ARHGAP24: variants seen among roughly 807,000 people sequenced by gnomAD.
The protein encoded by ARHGAP24 is Rho GTPase activating protein 24, also known as rho GTPase-activating protein 24.
A neutral mutation model predicts 76.4 loss-of-function variants in ARHGAP24; 50 were observed. That is an observed-to-expected ratio of 0.65 (90% CI 0.52 to 0.83). The LOEUF is 0.83. Ranked by LOEUF, ARHGAP24 falls within the 40% of genes least tolerant of loss-of-function variation. The pLI, the probability that ARHGAP24 is intolerant of heterozygous loss-of-function variation, is 0.00. For missense variants in ARHGAP24, 930 were observed against 914.2 expected (o/e 1.02, Z -0.22); for synonymous variants, 345 against 323.3 (o/e 1.07, Z -0.72).
chr4:85,823,036 C>CA (rs1054911720), intron 3 of ARHGAP24, among the ~76,000 whole-genome samples: 13 of 152,018 alleles, frequency 8.6e-5, no homozygotes, highest in African/African-American at 2.7e-4. Flanking sequence ...TTAACTTTGT[C>CA]AAAAAAACTT....
chr4:85,686,408 A>G (rs1008873186), intron 2 of ARHGAP24, among the ~76,000 whole-genome samples: 1 of 152,208 alleles, frequency 6.6e-6, no homozygotes, highest in African/African-American at 2.4e-5. Context: ...GTATTACAAA[A>G]CCGTCTCAAG....
rs75558237 is a variant in ARHGAP24 at position 85,521,226 on chromosome 4, A to T, written c.-21+45667A>T. On this transcript the variant is annotated intron_variant, in intron 1 of 9. Coordinates refer to ENST00000395184, the MANE Select transcript of ARHGAP24 (RefSeq NM_001025616.3). ...GCATGTTGTTTCACTGATAAGCAGCAATGCTATTATTCCATTTTCTGGGCG... is the reference window on the plus strand; with the variant it reads ...GCATGTTGTTTCACTGATAAGCAGCTATGCTATTATTCCATTTTCTGGGCG... Among the ~76,000 whole-genome samples, 11 of 152,204 alleles carry T rather than the reference A, an allele frequency of 7.2e-5. No individual in the cohort carries two copies. In the East Asian group the frequency reaches 2.1e-3, roughly 29 times the overall value.
At chr4:85,871,128 A>C (rs546211534) in intron 3 of ARHGAP24, among the ~76,000 whole-genome samples, 1 of 152,112 alleles carries the variant, frequency 6.6e-6, no homozygotes, top group East Asian at 1.9e-4. Flanking sequence ...GTATAATTCT[A>C]TTATACAGTC....
At chr4:85,796,829 C>T (rs527347026) in intron 3 of ARHGAP24, among the ~76,000 whole-genome samples, 7 of 152,030 alleles carry the variant, frequency 4.6e-5, no homozygotes, top group African/African-American at 1.7e-4. Context: ...GGTGCTGTGC[C>T]CATAGAATTT....
chr4:85,813,340 G>T (rs1420484379), intron 3 of ARHGAP24, among the ~76,000 whole-genome samples: 2 of 152,144 alleles, frequency 1.3e-5, no homozygotes, highest in Non-Finnish European at 2.9e-5. Context: ...ATAATGGGGG[G>T]TGGAGGGAAA....
chr4:85,923,808 A>G, intron 4 of ARHGAP24, 38 bp downstream of exon 4: 1 of 1,613,458 alleles, frequency 6.2e-7, no homozygotes, highest in South Asian at 1.1e-5. Flanking sequence ...ACAGAAAGGT[A>G]GACCAAACCT....
At chr4:85,793,037 G>C (rs1486295870) in intron 3 of ARHGAP24, among the ~76,000 whole-genome samples, 2 of 152,126 alleles carry the variant, frequency 1.3e-5, no homozygotes, top group Non-Finnish European at 2.9e-5. Context: ...AGATATAAGA[G>C]AAGCAAAGTT....
At chr4:85,953,265 C>CT (rs1737721153) in intron 5 of ARHGAP24, among the ~76,000 whole-genome samples, 1 of 152,288 alleles carries the variant, frequency 6.6e-6, no homozygotes, top group Non-Finnish European at 1.5e-5. Context: ...TCACACTTCC[C>CT]TTGTTCCTCT....
At chr4:85,949,269 G>C (rs1737465170) in intron 5 of ARHGAP24, among the ~76,000 whole-genome samples, 1 of 152,094 alleles carries the variant, frequency 6.6e-6, no homozygotes, top group African/African-American at 2.4e-5. Flanking sequence ...TTTTGTTGCA[G>C]CAACACCCAA....
intron 3 of ARHGAP24, among the ~76,000 whole-genome samples, chr4:85,845,415 A>G (rs1349190008): frequency 6.6e-6 from 1 of 152,202 alleles, no homozygotes; most frequent in African/African-American, 2.4e-5. Flanking sequence ...AAAGTTACAT[A>G]GCTAGTAAGT....
At chr4:85,730,333 T>G (rs527871135) in intron 3 of ARHGAP24, among the ~76,000 whole-genome samples, 1 of 152,332 alleles carries the variant, frequency 6.6e-6, no homozygotes, top group Non-Finnish European at 1.5e-5. Context: ...ATTCTGAGAT[T>G]GAAGCAACTC....
chr4:85,775,753 C>T (rs944901136), intron 3 of ARHGAP24, among the ~76,000 whole-genome samples: 2 of 151,978 alleles, frequency 1.3e-5, no homozygotes, highest in African/African-American at 4.8e-5. Context: ...TGGATTTATA[C>T]TGAGGGCAAT....
intron 2 of ARHGAP24, among the ~76,000 whole-genome samples, chr4:85,633,161 CTA>C (rs1721212091): frequency 6.6e-6 from 1 of 151,768 alleles, no homozygotes; most frequent in Non-Finnish European, 1.5e-5. Context: ...ATCTGAATGG[CTA>C]TGTTTTCCTT....
chr4:85,582,213 T>C (rs796498108), intron 2 of ARHGAP24, among the ~76,000 whole-genome samples: 3 of 152,248 alleles, frequency 2.0e-5, no homozygotes, highest in African/African-American at 7.2e-5. Flanking sequence ...TATGAGAAGA[T>C]TTGTAAATAT....
chr4:85,666,961 G>T (rs1722646244), intron 2 of ARHGAP24, among the ~76,000 whole-genome samples: 1 of 152,228 alleles, frequency 6.6e-6, no homozygotes. Context: ...GGACCCACTT[G>T]AGGAGGCAGT....
chr4:85,672,186 A>G (rs566516001), intron 2 of ARHGAP24, among the ~76,000 whole-genome samples: 4 of 152,332 alleles, frequency 2.6e-5, no homozygotes, highest in East Asian at 1.9e-4. Flanking sequence ...CATAAAGAAA[A>G]AAGAACATTG....
At chr4:85,683,125 G>GGGGGGGGGGGGGGGGGGGGGGT (rs1553922590) in intron 2 of ARHGAP24, among the ~76,000 whole-genome samples, 1 of 107,658 alleles carries the variant, frequency 9.3e-6, no homozygotes, top group Non-Finnish European at 1.9e-5. Flanking sequence ...GGTGGGGGGG[G>GGGGGGGGGGGGGGGGGGGGGGT]GGTGCGGGGG....
At chr4:85,750,999 A>G (rs1416950083) in intron 3 of ARHGAP24, among the ~76,000 whole-genome samples, 1 of 152,244 alleles carries the variant, frequency 6.6e-6, no homozygotes, top group African/African-American at 2.4e-5. Flanking sequence ...ATTAAATGCC[A>G]CAAAAGAATA....
intron 3 of ARHGAP24, among the ~76,000 whole-genome samples, chr4:85,833,491 A>G (rs1187971113): frequency 1.3e-5 from 2 of 152,130 alleles, no homozygotes; most frequent in South Asian, 2.1e-4. Flanking sequence ...GGGGAAAAAA[A>G]AAACAACAAC....
Sources: allele counts gnomAD v4.1 joint callset (sites outside exome capture counted in the v4.1 genomes callset), GRCh38; gene constraint gnomAD v4.1.1; transcripts MANE v1.5; gene names NCBI Gene and HGNC (gene_info 2026-07-23, HGNC 2026-07-21).